The following ACACB variants were observed in gnomAD, a reference collection of about 807,000 sequenced individuals.
ACACB encodes the protein acetyl-CoA carboxylase 2.
ACACB carries 209 observed loss-of-function variants against 278.8 expected under a neutral mutation model. The observed-to-expected ratio is 0.75, with a 90% CI of 0.67 to 0.84. The LOEUF (loss-of-function observed/expected upper bound fraction) is 0.84. Among genes scored for constraint, ACACB ranks in the 40% least tolerant of loss-of-function variants. The probability of loss-of-function intolerance (pLI) is 0.00; values close to 1 mark genes in which losing one functional copy is unlikely to be tolerated. For missense variants in ACACB, 2,850 were observed against 3,269.0 expected, an observed-to-expected ratio of 0.87 and a Z score of 3.13; for synonymous variants, 1,174 against 1,285.6, an observed-to-expected ratio of 0.91 and a Z score of 1.86.
chr12:109,203,265 T>G (rs2045390169), intron 19 of ACACB, among the ~76,000 whole-genome samples: 1 of 152,256 alleles, frequency 6.6e-6, no homozygotes, highest in Admixed American at 6.5e-5. Context: ...CATCCACTGA[T>G]GGACACTTGG....
chr12:109,260,340 G>A (rs1160953250), intron 47 of ACACB, 140 bp from the exon 48 acceptor site: 14 of 1,177,828 alleles, frequency 1.2e-5, no homozygotes, highest in Non-Finnish European at 1.7e-5. Context: ...AGAGTGATCA[G>A]TACTCTCAAA....
chr12:109,221,838 C>G (rs1244869278), intron 24 of ACACB, among the ~76,000 whole-genome samples: 1 of 149,932 alleles, frequency 6.7e-6, no homozygotes, highest in African/African-American at 2.5e-5. Flanking sequence ...TAGCTGTTTA[C>G]TAGCCACCTG....
intron 19 of ACACB, among the ~76,000 whole-genome samples, chr12:109,206,091 A>G (rs566547451): frequency 6.6e-6 from 1 of 152,284 alleles, no homozygotes; most frequent in African/African-American, 2.4e-5. Context: ...AGAGAATGAA[A>G]ATAAATACAG....
intron 1 of ACACB, among the ~76,000 whole-genome samples, chr12:109,121,782 C>T (rs1487778044): frequency 1.3e-5 from 2 of 152,178 alleles, no homozygotes; most frequent in Admixed American, 6.5e-5. Context: ...CTGACCCTGA[C>T]GCTTCTGTGT....
chr12:109,139,800 G>C lies in ACACB; in HGVS notation c.395G>C (p.Gly132Ala). 1 of 1,614,188 alleles carries C rather than the reference G, an allele frequency of 6.2e-7. No individual in the cohort carries two copies. The highest frequency in any genetic ancestry group is 1.3e-5 in the African/African-American group (1 of 75,050). The change falls in exon 2 of 53, where the codon GGC (glycine) becomes GCC (alanine). Residue 132 changes from glycine (G) to alanine (A), a missense_variant. By Grantham distance (60) the Gly-to-Ala change is moderately conservative. Transcript: ENST00000338432. ...GGTCTGGAGGCCACAGATACCAATG[G>C]CCTGTCCTCCTCAGCCAGGCCCCAG... ...TQGLEATDTN[G>A]LSSSARPQGQ...
chr12:109,261,104 G>T lies in ACACB; in HGVS notation c.6674+447G>T, dbSNP rs2047365158. On this transcript the variant is annotated intron_variant, in intron 48 of 52. Transcript: ENST00000338432. ...GGTAACCTCCTTGGCACTTTCCTTAGGAGGAATTTATTCCAGAGATTCTTA... is the reference window on the plus strand; with the variant it reads ...GGTAACCTCCTTGGCACTTTCCTTATGAGGAATTTATTCCAGAGATTCTTA... 2.6e-5 allele frequency among the ~76,000 whole-genome samples: 4 copies of T among 152,174 alleles called. No homozygotes were observed. The South Asian group carries it at 8.3e-4, about 31-fold the overall frequency.
intron 1 of ACACB, among the ~76,000 whole-genome samples, chr12:109,126,461 T>A (rs2042681799): frequency 6.6e-6 from 1 of 152,046 alleles, no homozygotes; most frequent in African/African-American, 2.4e-5. Flanking sequence ...GGTGGGAAGA[T>A]TGCTTGAGGA....
chr12:109,148,623 G>A (rs891222213), intron 2 of ACACB, among the ~76,000 whole-genome samples: 1 of 152,114 alleles, frequency 6.6e-6, no homozygotes, highest in Non-Finnish European at 1.5e-5. Context: ...ATGATAATGT[G>A]GAACAGAAAG....
intron 16 of ACACB, among the ~76,000 whole-genome samples, chr12:109,195,712 C>T (rs2045099446): frequency 6.6e-6 from 1 of 150,806 alleles, no homozygotes; most frequent in South Asian, 2.1e-4. Context: ...TAAAGTTTTC[C>T]ATGTTATTAA....
chr12:109,123,914 C>T (rs2042615238), intron 1 of ACACB, among the ~76,000 whole-genome samples: 1 of 151,522 alleles, frequency 6.6e-6, no homozygotes, highest in South Asian at 2.1e-4. Context: ...GTCTTGAACT[C>T]CTGGGCTCAA....
At chr12:109,138,664 C>T (rs1319200498) in intron 1 of ACACB, among the ~76,000 whole-genome samples, 26 of 151,992 alleles carry the variant, frequency 1.7e-4, no homozygotes, top group Admixed American at 1.7e-3. Flanking sequence ...AGAGAGCAAC[C>T]TGGTCAACAT....
At chr12:109,128,249 A>T (rs1300968256) in intron 1 of ACACB, among the ~76,000 whole-genome samples, 2 of 152,158 alleles carry the variant, frequency 1.3e-5, no homozygotes, top group African/African-American at 4.8e-5. Flanking sequence ...CCCGGGTTCA[A>T]GTGATTCTCC....
At chr12:109,232,036 A>G (rs1183843247) in intron 28 of ACACB, among the ~76,000 whole-genome samples, 1 of 152,216 alleles carries the variant, frequency 6.6e-6, no homozygotes, top group Non-Finnish European at 1.5e-5. Context: ...CTTGCAAGCA[A>G]GCAGGTCTCC....
intron 35 of ACACB, 109 bp from the exon 36 acceptor site, chr12:109,240,969 A>T (rs1343588761): frequency 4.9e-6 from 5 of 1,015,150 alleles, no homozygotes; most frequent in Non-Finnish European, 6.0e-6. Flanking sequence ...ACTATGTCCC[A>T]GGCGTTTTTG....
chr12:109,247,834 G>A (rs2046990593), intron 40 of ACACB, 131 bp downstream of exon 40: 6 of 699,748 alleles, frequency 8.6e-6, no homozygotes, highest in Non-Finnish European at 1.2e-5. Flanking sequence ...ATGCCTGTTG[G>A]GGGCACTGAT....
In ACACB at chr12:109,166,672, A is replaced by AAAAAAAAAAAAAT; in HGVS notation, c.654-184_654-183insAAAAAAATAAAAA. Among the ~76,000 whole-genome samples, 2 of 133,760 alleles carry AAAAAAAAAAAAAT rather than the reference A, an allele frequency of 1.5e-5. 1 individual carries two copies. The highest frequency in any genetic ancestry group is 3.4e-5 in the Non-Finnish European group (2 of 58,044). 87.8% of individuals were successfully genotyped at this position (133,760 alleles called of 152,430 possible). A position where few individuals can be genotyped will look rare whatever the true frequency, so the allele number is the denominator to read the frequency against. On this transcript the variant is annotated intron_variant, in intron 2 of 52. Coordinates refer to ENST00000338432, the MANE Select transcript of ACACB (RefSeq NM_001093.4). ...CTCAAAAAAAAAAAAAAAAAAAAAA[A>AAAAAAAAAAAAAT]AAAAACCGAAGGTGCTTCCTGCCCT...
Position 109,239,912 on chromosome 12 carries a change from A to G in ACACB, c.4745A>G (p.Asn1582Ser). The G allele has an allele frequency of 6.2e-7, 1 of 1,614,140 alleles. No individual in the cohort carries two copies. The highest frequency in any genetic ancestry group is 8.5e-7 in the Non-Finnish European group (1 of 1,180,022). ...AMDELEVAFN[N>S]TSVRTDCNHI... Reference sequence around the variant, plus strand: ...GACGAGCTGGAGGTGGCGTTCAATAACACCAGCGTGCGCACCGACTGCAAC... The same window carrying G: ...GACGAGCTGGAGGTGGCGTTCAATAGCACCAGCGTGCGCACCGACTGCAAC... Residue 1582 changes from asparagine (N) to serine (S), a missense_variant, in exon 35 of 53, where the codon AAC becomes AGC. Coordinates refer to ENST00000338432, the MANE Select transcript of ACACB (RefSeq NM_001093.4).
intron 1 of ACACB, among the ~76,000 whole-genome samples, chr12:109,127,780 C>T (rs966836943): frequency 2.0e-5 from 3 of 152,056 alleles, no homozygotes; most frequent in Non-Finnish European, 2.9e-5. Flanking sequence ...CAGGGGAAGG[C>T]GAAGTTCTTG....
rs539883014 is a variant in ACACB at position 109,122,985 on chromosome 12, T to C, written c.-10+6281T>C. 4.6e-5 allele frequency among the ~76,000 whole-genome samples: 7 copies of C among 151,942 alleles called. No homozygotes were observed. In the South Asian group the frequency reaches 1.5e-3, roughly 32 times the overall value. ...TCACGAGGTCAGGAGATCGAGACCA[T>C]CCTGGCTAACATGGTGAAACCCCGT... On this transcript the variant is annotated intron_variant, in intron 1 of 52. Transcript: ENST00000338432.
Sources: allele counts gnomAD v4.1 joint callset (sites outside exome capture counted in the v4.1 genomes callset), GRCh38; gene constraint gnomAD v4.1.1; transcripts MANE v1.5; gene names NCBI Gene and HGNC (gene_info 2026-07-23, HGNC 2026-07-21).